Variants in BTRC observed in about 807,000 individuals in gnomAD.
BTRC encodes the protein F-box/WD repeat-containing protein 1A.
In BTRC, 42 loss-of-function variants were observed where a neutral mutation model predicts 85.5. The observed-to-expected ratio is 0.49, with a 90% confidence interval of 0.38 to 0.64. BTRC has a LOEUF of 0.64. BTRC is among the 30% of genes least tolerant of loss of function. The pLI is 0.00. For missense variants in BTRC, 594 were observed against 743.5 expected (o/e 0.80, Z 2.34); for synonymous variants, 255 against 263.3 (o/e 0.97, Z 0.30).
chr10:101,366,872 A>G (rs181508277), intron 1 of BTRC, among the ~76,000 whole-genome samples: 6,406 of 23,806 alleles, frequency 0.27, 1,767 homozygotes, highest in African/African-American at 0.53. Flanking sequence ...ATATATTAAT[A>G]TATATTTATA....
At chr10:101,370,655 G>GAGTC (rs1453118100) in intron 1 of BTRC, among the ~76,000 whole-genome samples, 2 of 99,518 alleles carry the variant, frequency 2.0e-5, no homozygotes, top group Admixed American at 3.0e-4. Flanking sequence ...CTGCAGCCTT[G>GAGTC]ACCTCCTGGG....
intron 1 of BTRC, among the ~76,000 whole-genome samples, chr10:101,406,180 C>CTTT (rs1203668650): frequency 6.9e-6 from 1 of 144,040 alleles, no homozygotes. Context: ...ACTGCTTATA[C>CTTT]TTTTTTTTTT....
intron 4 of BTRC, among the ~76,000 whole-genome samples, chr10:101,484,726 G>A (rs1945937254): frequency 6.6e-6 from 1 of 152,194 alleles, no homozygotes; most frequent in Non-Finnish European, 1.5e-5. Context: ...CGTCATTGAG[G>A]CTGATGTGGT....
intron 13 of BTRC, among the ~76,000 whole-genome samples, chr10:101,543,999 T>C (rs2062518999): frequency 6.6e-6 from 1 of 152,170 alleles, no homozygotes; most frequent in Non-Finnish European, 1.5e-5. Flanking sequence ...AACCTCCGCC[T>C]CCCAGGTTCA....
chr10:101,441,153 A>AT (rs1258988270), intron 2 of BTRC, among the ~76,000 whole-genome samples: 4 of 152,162 alleles, frequency 2.6e-5, no homozygotes, highest in African/African-American at 9.7e-5. Flanking sequence ...AAAACAAACC[A>AT]TTTTTTGCAG....
intron 1 of BTRC, among the ~76,000 whole-genome samples, chr10:101,366,159 G>A (rs933349736): frequency 6.6e-6 from 1 of 152,038 alleles, no homozygotes; most frequent in African/African-American, 2.4e-5. Flanking sequence ...TTGTGCTGGA[G>A]TACCACATTT....
chr10:101,549,718 A>AAAC (rs1415001627), intron 13 of BTRC, among the ~76,000 whole-genome samples: 1 of 146,602 alleles, frequency 6.8e-6, no homozygotes, highest in African/African-American at 2.5e-5. Context: ...TGTCTCAAAA[A>AAAC]AAAAAAAAAA....
chr10:101,479,203 C>G (rs1945773163), intron 3 of BTRC, among the ~76,000 whole-genome samples, 165 bp from the exon 4 acceptor site: 1 of 127,516 alleles, frequency 7.8e-6, no homozygotes, highest in Non-Finnish European at 1.9e-5. Flanking sequence ...TAGCCTCTAT[C>G]TTTGCCCTCC....
intron 4 of BTRC, among the ~76,000 whole-genome samples, chr10:101,521,207 G>T (rs1173423860): frequency 6.6e-6 from 1 of 152,144 alleles, no homozygotes; most frequent in African/African-American, 2.4e-5. Context: ...CCAGGAGCTG[G>T]AGGCTGCAGT....
chr10:101,501,488 G>GGCT (rs1358507834), intron 4 of BTRC, among the ~76,000 whole-genome samples: 1 of 152,156 alleles, frequency 6.6e-6, no homozygotes, highest in Non-Finnish European at 1.5e-5. Flanking sequence ...TTTGCTTTCA[G>GGCT]GCTACATTAA....
At position 101,466,854 on chromosome 10, in the gene BTRC, C is replaced by T. The variant is rs537228510; in HGVS notation, c.234+4796C>T. ...TCCTTTTCTACCATATTCCCCTCCC[C>T]TGAAAAAATTCCTGCGTTCTAAACA... On this transcript the variant is annotated intron_variant, in intron 3 of 14. Transcript: ENST00000370187. Among the ~76,000 whole-genome samples the T allele has an allele frequency of 2.6e-5, 4 of 152,252 alleles. No homozygotes were observed. In the South Asian group the frequency reaches 6.2e-4, roughly 24 times the overall value.
rs573935650 is a variant in BTRC at position 101,542,809 on chromosome 10, A to G, written c.1656+4438A>G. Among the ~76,000 whole-genome samples the G allele has an allele frequency of 2.0e-5, 3 of 152,264 alleles. No homozygotes were observed. In the South Asian group the frequency reaches 6.2e-4, roughly 32 times the overall value. On this transcript the variant is annotated intron_variant, in intron 13 of 14. Coordinates refer to ENST00000370187, the MANE Select transcript of BTRC (RefSeq NM_033637.4). Reference sequence around the variant, plus strand: ...AGGCTGGTCTGGAACTCCTGGGCTCAACCTCGACAAAGTACTGGGATCACA... The same window carrying G: ...AGGCTGGTCTGGAACTCCTGGGCTCGACCTCGACAAAGTACTGGGATCACA...
At chr10:101,455,784 T>C (rs1193696088) in intron 2 of BTRC, among the ~76,000 whole-genome samples, 1 of 152,138 alleles carries the variant, frequency 6.6e-6, no homozygotes, top group Admixed American at 6.5e-5. Flanking sequence ...GAAGTTTGGG[T>C]TTATCCTGTT....
intron 4 of BTRC, among the ~76,000 whole-genome samples, chr10:101,498,355 A>C (rs924437368): frequency 6.6e-6 from 1 of 151,830 alleles, no homozygotes; most frequent in African/African-American, 2.4e-5. Context: ...GGGTTTCACT[A>C]TTTTGGCCAG....
chr10:101,437,843 T>G (rs112967266), intron 2 of BTRC, among the ~76,000 whole-genome samples: 27 of 152,270 alleles, frequency 1.8e-4, no homozygotes, highest in African/African-American at 6.3e-4. Context: ...TCTGCTTACC[T>G]GAAAAAACCC....
chr10:101,430,038 A>G (rs1944362459), intron 1 of BTRC, among the ~76,000 whole-genome samples: 1 of 152,158 alleles, frequency 6.6e-6, no homozygotes, highest in Admixed American at 6.5e-5. Context: ...TAATTGATCA[A>G]CTGGATTAAG....
chr10:101,539,198 A>G (rs1454022346), intron 13 of BTRC, among the ~76,000 whole-genome samples: 1 of 152,142 alleles, frequency 6.6e-6, no homozygotes, highest in Admixed American at 6.5e-5. Flanking sequence ...TTGGGGAAAA[A>G]AGTGATTCAA....
chr10:101,366,869 AAT>A (rs1942418953), intron 1 of BTRC, among the ~76,000 whole-genome samples: 1 of 21,468 alleles, frequency 4.7e-5, no homozygotes, highest in Non-Finnish European at 1.2e-4. Flanking sequence ...TTTATATATT[AAT>A]ATATATTTAT....
At chr10:101,385,632 T>TTTTTTGTG (rs1288309804) in intron 1 of BTRC, among the ~76,000 whole-genome samples, 1 of 143,874 alleles carries the variant, frequency 7.0e-6, no homozygotes, top group African/African-American at 2.6e-5. Context: ...TTTTTTTTTT[T>TTTTTTGTG]TGTGTGTTCT....
Sources: allele counts gnomAD v4.1 joint callset (sites outside exome capture counted in the v4.1 genomes callset), GRCh38; gene constraint gnomAD v4.1.1; transcripts MANE v1.5; gene names NCBI Gene and HGNC (gene_info 2026-07-23, HGNC 2026-07-21).